The following PDCD2 variants were observed in gnomAD, a reference collection of about 807,000 sequenced individuals.
PDCD2 encodes the protein programmed cell death 2.
PDCD2 carries 38 observed loss-of-function variants against 38.1 expected under a neutral mutation model. The observed-to-expected ratio is 1.00, with a 90% confidence interval of 0.77 to 1.31. PDCD2 has a LOEUF of 1.31. PDCD2 is among the 50% of genes most tolerant of loss of function. PDCD2 has a pLI of 0.00. For missense variants in PDCD2, 473 were observed against 435.7 expected, an observed-to-expected ratio of 1.09 and a Z score of -0.76; for synonymous variants, 205 against 168.9, an observed-to-expected ratio of 1.21 and a Z score of -1.66.
At chr6:170,582,895 AG>A in intron 3 of PDCD2, 161 bp downstream of exon 3, 1 of 1,442,152 alleles carries the variant, frequency 6.9e-7, no homozygotes, top group Non-Finnish European at 9.0e-7. Context: ...CAGAAAACAA[AG>A]TCCAGGAAGT....
Position 170,578,947 on chromosome 6 carries a change from A to G in PDCD2, c.786T>C (p.Ile262=), listed in dbSNP as rs1562366702. The G allele has an allele frequency of 6.3e-7, 1 of 1,598,184 alleles. No individual in the cohort carries two copies. The highest frequency in any genetic ancestry group is 1.1e-5 in the South Asian group (1 of 88,722). The change falls in exon 5 of 6, where the codon ATT becomes ATC. Residue 262 remains isoleucine, a synonymous_variant. Transcript: ENST00000541970. ...PEQILRYGRG[I]APIWISGENI... is the part of the protein sequence containing the mutation. ...TTTCACCAGAAATCCAGATGGGGGC[A>G]ATACCTCTGCCATATCTAAGAATCT...
At position 170,577,512 on chromosome 6, in the gene PDCD2, G is replaced by T. The variant is rs200568227; in HGVS notation, c.*47C>A. The T allele has an allele frequency of 5.4e-4, 807 of 1,492,578 alleles. No individual in the cohort carries two copies. Among genetic ancestry groups the T allele is most frequent in the Middle Eastern group, 1.6e-3 (9 of 5,504 alleles). 92.5% of individuals were successfully genotyped at this position (1,492,578 alleles called of 1,614,324 possible). ...AGGATAAAATCCCAGAAATGGAATTGCAAGGTATAAAAGATTATTAACATT... is the reference window on the plus strand; with the variant it reads ...AGGATAAAATCCCAGAAATGGAATTTCAAGGTATAAAAGATTATTAACATT... On this transcript the variant is annotated 3_prime_UTR_variant, in exon 6 of 6. Transcript: ENST00000541970.
chr6:170,584,335 A>AG lies in PDCD2; in HGVS notation c.246dup (p.Cys83LeufsTer15). The AG allele has an allele frequency of 6.7e-7, 1 of 1,500,896 alleles. No individual in the cohort carries two copies. The highest frequency in any genetic ancestry group is 8.8e-7 in the Non-Finnish European group (1 of 1,130,910). The allele number at this position is 1,500,896 out of a possible 1,614,324, so 93.0% of individuals were successfully genotyped here. ...GCACAGCACGGCTGCTCGCGGCAGC[A>AG]GAAGAGGAAGATGCAGCGGTGGAAG... On this transcript the variant is annotated frameshift_variant, in exon 1 of 6. Transcript: ENST00000541970. LOFTEE classifies it high-confidence loss of function.
At chr6:170,580,172 G>A in intron 3 of PDCD2, 67 bp from the exon 4 acceptor site, 1 of 884,462 alleles carries the variant, frequency 1.1e-6, no homozygotes, top group South Asian at 1.4e-5. Context: ...TTCACACATG[G>A]AGAGGGGACC....
rs1375872006 is a variant in PDCD2, at chr6:170,575,418, C to T, written c.*2141G>A. On this transcript the variant is annotated 3_prime_UTR_variant, in exon 6 of 6. Transcript: ENST00000541970. Reference sequence around the variant, plus strand: ...CTGCTCTCTACAGCAGAGGGAGCTGCTGTGGCTGGACAGTATCTGAACCAA... The same window carrying T: ...CTGCTCTCTACAGCAGAGGGAGCTGTTGTGGCTGGACAGTATCTGAACCAA... 1 of 152,008 alleles carries T rather than the reference C, an allele frequency of 6.6e-6. No individual in the cohort carries two copies. The highest frequency in any genetic ancestry group is 2.4e-5 in the African/African-American group (1 of 41,368). The allele number at this position is 152,008 out of a possible 1,614,324, so 9.4% of individuals were successfully genotyped here.
rs774609988 is a variant in PDCD2 at position 170,584,318 on chromosome 6, C to G, written c.264G>C (p.Pro88=). The change falls in exon 1 of 6, where the codon CCG becomes CCC. Residue 88 remains proline, a synonymous_variant. Transcript: ENST00000541970. The stretch of plus-strand genomic sequence containing the variant: ...GCTCACCTCGCAGGCCGGCACAGCA[C>G]GGCTGCTCGCGGCAGCAGAAGAGGA... ...CIFLFCCREQ[P]CCAGLRVFRN... 1 of 1,493,520 alleles carries G rather than the reference C, an allele frequency of 6.7e-7. No individual in the cohort carries two copies. Among genetic ancestry groups the G allele is most frequent in the Non-Finnish European group, 8.9e-7 (1 of 1,127,952 alleles). The allele number at this position is 1,493,520 out of a possible 1,614,324, so 92.5% of individuals were successfully genotyped here. A position where few individuals can be genotyped will look rare whatever the true frequency, so the allele number is the denominator to read the frequency against.
chr6:170,584,116 T>C (rs751357762), intron 1 of PDCD2, 183 bp downstream of exon 1: 2 of 596,288 alleles, frequency 3.4e-6, no homozygotes, highest in East Asian at 3.5e-5. Context: ...TAGAAGCTTA[T>C]GTAGCAAAAA....
In PDCD2 at chr6:170,579,988, G is replaced by A. The variant is rs762236764; in HGVS notation, c.762+14C>T. On this transcript the variant is annotated intron_variant, in intron 4 of 5. Transcript: ENST00000541970. Reference sequence around the variant, plus strand: ...TGAAGAGAACACGATGAGGAGCTATGAGCTCCACTTTACCTGTTCTGGTTC... The same window carrying A: ...TGAAGAGAACACGATGAGGAGCTATAAGCTCCACTTTACCTGTTCTGGTTC... 2 of 1,280,514 alleles carry A rather than the reference G, an allele frequency of 1.6e-6. No individual in the cohort carries two copies. 79.3% of individuals were successfully genotyped at this position (1,280,514 alleles called of 1,614,324 possible). A position where few individuals can be genotyped will look rare whatever the true frequency, so the allele number is the denominator to read the frequency against.
At chr6:170,577,792 T>C (rs1289108176) in intron 5 of PDCD2, 75 bp from the exon 6 acceptor site, 1 of 1,388,676 alleles carries the variant, frequency 7.2e-7, no homozygotes, top group Non-Finnish European at 1.0e-6. Flanking sequence ...CCAGGATGAT[T>C]ATAGGGATCT....
In PDCD2 at chr6:170,584,327, G is replaced by A. The variant is rs760914642; in HGVS notation, c.255C>T (p.Arg85=). ...FHRCIFLFCC[R]EQPCCAGLRV... Reference sequence around the variant, plus strand: ...GCAGGCCGGCACAGCACGGCTGCTCGCGGCAGCAGAAGAGGAAGATGCAGC... The same window carrying A: ...GCAGGCCGGCACAGCACGGCTGCTCACGGCAGCAGAAGAGGAAGATGCAGC... The change falls in exon 1 of 6, where the codon CGC becomes CGT. Residue 85 remains arginine, a synonymous_variant. Coordinates refer to ENST00000541970, the MANE Select transcript of PDCD2 (RefSeq NM_002598.4). The A allele has an allele frequency of 5.3e-6, 8 of 1,499,030 alleles. No homozygotes were observed. Among genetic ancestry groups the A allele is most frequent in the Non-Finnish European group, 7.1e-6 (8 of 1,129,910 alleles). The allele number at this position is 1,499,030 out of a possible 1,614,324, so 92.9% of individuals were successfully genotyped here.
chr6:170,578,854 T>C lies in PDCD2; in HGVS notation c.876+3A>G, dbSNP rs750701895. On this transcript the variant is annotated splice_donor_region_variant and intron_variant, in intron 5 of 5. Transcript: ENST00000541970. ...ACTAAATGGTCCTTATTTAAGGTCA[T>C]ACCTGGAATTCCAATATTCTCTTGG... 1.3e-6 allele frequency: 2 copies of C among 1,533,630 alleles called. No homozygotes were observed. Among genetic ancestry groups the C allele is most frequent in the African/African-American group, 1.4e-5 (1 of 73,346 alleles).
At position 170,583,524 on chromosome 6, in the gene PDCD2, C is replaced by T. The variant is rs767952037; in HGVS notation, c.507G>A (p.Lys169=). 6.2e-7 allele frequency: 1 copy of T among 1,612,294 alleles called. No homozygotes were observed. The highest frequency in any genetic ancestry group is 1.1e-5 in the South Asian group (1 of 91,000). ...HQTLDWRLGH[K]QACAQPDHLD... ...ACCCACCTGGTTGTGCACAAGCCTG[C>T]TTATGTCCCAATCTCCAGTCTAGGG... is the stretch of plus-strand genomic sequence containing the variant. The change falls in exon 2 of 6, where the codon AAG becomes AAA. Residue 169 remains lysine, a synonymous_variant. Transcript: ENST00000541970.
At chr6:170,580,204 C>A in intron 3 of PDCD2, 99 bp from the exon 4 acceptor site, 1 of 673,532 alleles carries the variant, frequency 1.5e-6, no homozygotes, top group South Asian at 1.7e-5. Flanking sequence ...AGATAGCTTT[C>A]CCTATTTATT....
rs1416865111 is a variant in PDCD2, at chr6:170,583,576, G to A, written c.455C>T (p.Ala152Val). ...GPKTCSRCHK[A>V]YYCSKEHQTL... ...CTGATGCTCCTTGCTGCAGTAATAT[G>A]CTTTGTGGCATCTGGAGCACGTTTT... Residue 152 changes from alanine (A) to valine (V), a missense_variant, in exon 2 of 6, where the codon GCA (alanine) becomes GTA (valine). By Grantham distance (64) the Ala-to-Val change is moderately conservative (BLOSUM62 0). Transcript: ENST00000541970. The A allele has an allele frequency of 1.2e-6, 2 of 1,613,670 alleles. No individual in the cohort carries two copies. The highest frequency in any genetic ancestry group is 1.3e-5 in the African/African-American group (1 of 74,904).
At chr6:170,581,396 T>G (rs990519012) in intron 3 of PDCD2, 1 of 152,118 alleles carries the variant, frequency 6.6e-6, no homozygotes, top group Non-Finnish European at 1.5e-5. Context: ...TTTGAACCCA[T>G]TAAACATATC....
rs555642254 is a variant in PDCD2 at position 170,584,347 on chromosome 6, T to C, written c.235A>G (p.Ile79Val). ...TGCTCGCGGCAGCAGAAGAGGAAGA[T>C]GCAGCGGTGGAAGGCGTCCGGGCGG... ...PGRPDAFHRC[I>V]FLFCCREQPC... Residue 79 changes from isoleucine to valine, a missense_variant, in exon 1 of 6, where the codon ATC (isoleucine) becomes GTC (valine). Transcript: ENST00000541970. 6 of 1,500,026 alleles carry C rather than the reference T, an allele frequency of 4.0e-6. No individual in the cohort carries two copies. Among genetic ancestry groups the C allele is most frequent in the African/African-American group, 2.9e-5 (2 of 69,226 alleles). The allele number at this position is 1,500,026 out of a possible 1,614,324, so 92.9% of individuals were successfully genotyped here.
chr6:170,582,657 A>G, intron 3 of PDCD2: 1 of 1,210,848 alleles, frequency 8.3e-7, no homozygotes, highest in South Asian at 2.0e-5. Context: ...CTGTAAGTAA[A>G]CTGACAAAAT....
At position 170,577,510 on chromosome 6, in the gene PDCD2, T is replaced by C; in HGVS notation, c.*49A>G. The C allele has an allele frequency of 1.3e-6, 2 of 1,484,122 alleles. No individual in the cohort carries two copies. The highest frequency in any genetic ancestry group is 1.8e-5 in the Admixed American group (1 of 56,130). 91.9% of individuals were successfully genotyped at this position (1,484,122 alleles called of 1,614,324 possible). Reference sequence around the variant, plus strand: ...TTAGGATAAAATCCCAGAAATGGAATTGCAAGGTATAAAAGATTATTAACA... The same window carrying C: ...TTAGGATAAAATCCCAGAAATGGAACTGCAAGGTATAAAAGATTATTAACA... On this transcript the variant is annotated 3_prime_UTR_variant, in exon 6 of 6. Transcript: ENST00000541970.
chr6:170,577,773 CCTT>C (rs1321193008), intron 5 of PDCD2, 56 bp from the exon 6 acceptor site: 2 of 1,548,248 alleles, frequency 1.3e-6, no homozygotes, highest in Non-Finnish European at 8.8e-7. Flanking sequence ...GAGCACGAGA[CCTT>C]CTCAGCCAGG....
Sources: gnomAD v4.1 joint callset for allele counts on GRCh38, gnomAD v4.1.1 for gene constraint, MANE v1.5 for transcripts, NCBI Gene and HGNC (gene_info 2026-07-23, HGNC 2026-07-21) for gene names.